SRRM2: variants seen among roughly 807,000 people sequenced by gnomAD.
SRRM2 encodes the protein serine/arginine repetitive matrix protein 2.
In SRRM2, 30 loss-of-function variants were observed where a neutral mutation model predicts 213.8. The ratio of observed to expected loss-of-function variants is 0.14; its 90% CI spans 0.10 to 0.19. The LOEUF (loss-of-function observed/expected upper bound fraction) is 0.19. Ranked by LOEUF, SRRM2 falls within the 10% of genes least tolerant of loss-of-function variation. SRRM2 has a pLI of 1.00. For missense variants in SRRM2, 4,904 were observed against 3,647.0 expected (o/e 1.34, Z -8.88); for synonymous variants, 2,025 against 1,377.7 (o/e 1.47, Z -10.40).
chr16:2,761,039 C>T (rs551647831), intron 10 of SRRM2, among the ~76,000 whole-genome samples: 21 of 152,328 alleles, frequency 1.4e-4, no homozygotes, highest in African/African-American at 4.6e-4. Context: ...TGGTTGACCT[C>T]AGAAACTTAA....
In SRRM2 at chr16:2,768,130, CTCG is replaced by C. The variant is rs761420606; in HGVS notation, c.7614_7616del (p.Ser2556del). On this transcript the variant is annotated inframe_deletion, in exon 11 of 15. Coordinates refer to ENST00000301740, the MANE Select transcript of SRRM2 (RefSeq NM_016333.4). ...CAGCAAAGGAGCGGCGGAGTTCCTC[CTCG>C]TCGTCGTCGTCCTCTAGCTCCTCCT... is the stretch of plus-strand genomic sequence containing the variant. 63 of 1,613,272 alleles carry C rather than the reference CTCG, an allele frequency of 3.9e-5. No individual in the cohort carries two copies. Among genetic ancestry groups the C allele is most frequent in the South Asian group, 7.7e-5 (7 of 91,042 alleles).
In SRRM2 at chr16:2,762,599, AGGTCTC is replaced by A; in HGVS notation, c.2077_2082del (p.Ser694_Arg695del). 11 of 1,614,164 alleles carry A rather than the reference AGGTCTC, an allele frequency of 6.8e-6. No individual in the cohort carries two copies. The highest frequency in any genetic ancestry group is 9.3e-6 in the Non-Finnish European group (11 of 1,180,030). On this transcript the variant is annotated inframe_deletion, in exon 11 of 15. Coordinates refer to ENST00000301740, the MANE Select transcript of SRRM2 (RefSeq NM_016333.4). Reference sequence around the variant, plus strand: ...CTCCAGAACACCAGCCAGGAGAGGGAGGTCTCGGTCTAGGACACCAAGACGAGGAAG... The same window carrying A: ...CTCCAGAACACCAGCCAGGAGAGGGAGGTCTAGGACACCAAGACGAGGAAG...
rs775530587 is a variant in SRRM2 at position 2,766,812 on chromosome 16, C to T, written c.6284C>T (p.Ala2095Val). 7.4e-6 allele frequency: 12 copies of T among 1,614,158 alleles called. No homozygotes were observed. In the South Asian group the frequency reaches 9.9e-5, roughly 13 times the overall value. ...SDRSRSATPP[A>V]TRNHSGSRTP... Reference sequence around the variant, plus strand: ...CGTTCACGATCTGCTACTCCTCCAGCAACAAGAAATCATTCTGGTTCACGG... The same window carrying T: ...CGTTCACGATCTGCTACTCCTCCAGTAACAAGAAATCATTCTGGTTCACGG... Residue 2095 changes from alanine (A) to valine (V), a missense_variant, in exon 11 of 15, where the codon GCA becomes GTA. Physicochemically the swap from Ala to Val is moderately conservative, Grantham distance 64 (BLOSUM62 0). Coordinates refer to ENST00000301740, the MANE Select transcript of SRRM2 (RefSeq NM_016333.4). This position sits in a 1 kb window ranked among gnomAD's most constrained non-coding sequence, Gnocchi z 7.0.
Position 2,771,284 on chromosome 16 carries a change from C to G in SRRM2, c.*417C>G, listed in dbSNP as rs766239205. 1.1e-6 allele frequency: 1 copy of G among 892,810 alleles called. No homozygotes were observed. The highest frequency in any genetic ancestry group is 1.8e-6 in the Non-Finnish European group (1 of 551,726). 55.3% of individuals were successfully genotyped at this position (892,810 alleles called of 1,614,324 possible). A position where few individuals can be genotyped will look rare whatever the true frequency, so the allele number is the denominator to read the frequency against. ...GGCAGGAGTTGGAATTAGTTGGTCC[C>G]TACTGTCCCCCATGAGGTTGTGAAC... is the stretch of plus-strand genomic sequence containing the variant. On this transcript the variant is annotated 3_prime_UTR_variant, in exon 15 of 15. Transcript: ENST00000301740.
rs1254503132 is a variant in SRRM2 at position 2,761,739 on chromosome 16, C to T, written c.1211C>T (p.Ser404Leu). ...GAGGCCTCTCCAACTCGGGACCGTT[C>T]ACCACCTAAGTCTCCCGAGAAACTT... is the stretch of plus-strand genomic sequence containing the variant. ...PSEASPTRDR[S>L]PPKSPEKLPQ... is the part of the protein sequence containing the mutation. Residue 404 changes from serine to leucine, a missense_variant, in exon 11 of 15, where the codon TCA (serine) becomes TTA (leucine). Coordinates refer to ENST00000301740, the MANE Select transcript of SRRM2 (RefSeq NM_016333.4). 1 of 1,612,090 alleles carries T rather than the reference C, an allele frequency of 6.2e-7. No homozygotes were observed. Among genetic ancestry groups the T allele is most frequent in the Non-Finnish European group, 8.5e-7 (1 of 1,178,892 alleles).
Position 2,766,036 on chromosome 16 carries a change from A to C in SRRM2, c.5508A>C (p.Arg1836=). Residue 1836 remains arginine (R), a synonymous_variant, in exon 11 of 15, where the codon CGA becomes CGC. Coordinates refer to ENST00000301740, the MANE Select transcript of SRRM2 (RefSeq NM_016333.4). This position sits in a 1 kb window ranked among gnomAD's most constrained non-coding sequence, Gnocchi z 7.0. ...ARQESSRTSS[R]RRRGRSRTPP... ...AGGAAAGTTCCCGGACCTCCTCTCGACGCCGAAGAGGCCGCTCTCGGACAC... is the reference window on the plus strand; with the variant it reads ...AGGAAAGTTCCCGGACCTCCTCTCGCCGCCGAAGAGGCCGCTCTCGGACAC... 6.2e-7 allele frequency: 1 copy of C among 1,613,836 alleles called. No homozygotes were observed. The highest frequency in any genetic ancestry group is 8.5e-7 in the Non-Finnish European group (1 of 1,179,964).
intron 8 of SRRM2, 26 bp downstream of exon 8, chr16:2,759,428 T>C: frequency 6.3e-7 from 1 of 1,594,738 alleles, no homozygotes; most frequent in Non-Finnish European, 8.5e-7. Flanking sequence ...GGGAATTTGC[T>C]TAGGAAGTAA....
At chr16:2,758,227 G>A (rs894870460) in intron 4 of SRRM2, among the ~76,000 whole-genome samples, 1 of 152,164 alleles carries the variant, frequency 6.6e-6, no homozygotes, top group African/African-American at 2.4e-5. Flanking sequence ...AAAAAAAGCT[G>A]GTTGGTGGCA....
At chr16:2,769,753 A>G (rs751551754) in intron 12 of SRRM2, 2 of 467,486 alleles carry the variant, frequency 4.3e-6, no homozygotes, top group East Asian at 6.7e-5. Flanking sequence ...TGTGGCCTGC[A>G]GGACAAAGCC....
chr16:2,766,189 G>A lies in SRRM2; in HGVS notation c.5661G>A (p.Arg1887=), dbSNP rs773424353. 4.3e-6 allele frequency: 7 copies of A among 1,614,104 alleles called. No individual in the cohort carries two copies. Among genetic ancestry groups the A allele is most frequent in the Non-Finnish European group, 5.9e-6 (7 of 1,180,030 alleles). The change falls in exon 11 of 15, where the codon AGG becomes AGA. Residue 1887 remains arginine (R), a synonymous_variant. Transcript: ENST00000301740. The surrounding 1 kb of genome is among the most constrained non-coding windows in gnomAD (Gnocchi z 7.0). The part of the protein sequence containing the change: ...RSRTPLISRR[R]SRSRTSPVSR... ...GAACCCCCCTGATAAGCCGACGTAGGTCCAGATCTCGAACTTCACCAGTCA... is the reference window on the plus strand; with the variant it reads ...GAACCCCCCTGATAAGCCGACGTAGATCCAGATCTCGAACTTCACCAGTCA...
chr16:2,758,000 G>T lies in SRRM2; in HGVS notation c.515+55G>T, dbSNP rs1473230675. On this transcript the variant is annotated intron_variant, in intron 4 of 14. Coordinates refer to ENST00000301740, the MANE Select transcript of SRRM2 (RefSeq NM_016333.4). ...TTCTTTTCTTGATTGTAAGCTCCATGCTCTATTTTTGTCTTTTTGCGGGCT... is the reference window on the plus strand; with the variant it reads ...TTCTTTTCTTGATTGTAAGCTCCATTCTCTATTTTTGTCTTTTTGCGGGCT... The T allele has an allele frequency of 2.6e-5, 40 of 1,559,496 alleles. 1 individual carries two copies. The highest frequency in any genetic ancestry group is 4.2e-5 in the African/African-American group (3 of 72,116).
In SRRM2 at chr16:2,766,416, C is replaced by T. The variant is rs775588117; in HGVS notation, c.5888C>T (p.Pro1963Leu). The T allele has an allele frequency of 6.2e-7, 1 of 1,614,130 alleles. No individual in the cohort carries two copies. Among genetic ancestry groups the T allele is most frequent in the South Asian group, 1.1e-5 (1 of 91,074 alleles). ...CGCAGAAGGTCCAGATCCAGGACTC[C>T]ACCAGTAACCAGGAGGCGATCTCGA... is the stretch of plus-strand genomic sequence containing the variant. ...VTRRRSRSRT[P>L]PVTRRRSRSR... Residue 1963 changes from proline (P) to leucine (L), a missense_variant, in exon 11 of 15, where the codon CCA becomes CTA. Coordinates refer to ENST00000301740, the MANE Select transcript of SRRM2 (RefSeq NM_016333.4). This position sits in a 1 kb window ranked among gnomAD's most constrained non-coding sequence, Gnocchi z 7.0.
intron 12 of SRRM2, chr16:2,769,898 G>A (rs985162087): frequency 2.2e-6 from 1 of 454,100 alleles, no homozygotes; most frequent in Non-Finnish European, 4.4e-6. Flanking sequence ...GAGAGCCCAT[G>A]CCTTTGGACA....
At position 2,757,492 on chromosome 16, in the gene SRRM2, A is replaced by G. The variant is rs756679255; in HGVS notation, c.263A>G (p.Gln88Arg). ...TTCAGGTACGAGGAACAGCAAATTC[A>G]GGAAAAAGTGGCGACCTTTCGACTC... ...EEQGYEEQQI[Q>R]EKVATFRLML... is the part of the protein sequence containing the mutation. Residue 88 changes from glutamine (Q) to arginine (R), a missense_variant, in exon 3 of 15, where the codon CAG (glutamine) becomes CGG (arginine). Gln to Arg is a conservative substitution (Grantham distance 43). Coordinates refer to ENST00000301740, the MANE Select transcript of SRRM2 (RefSeq NM_016333.4). The G allele has an allele frequency of 6.2e-7, 1 of 1,614,096 alleles. No individual in the cohort carries two copies. Among genetic ancestry groups the G allele is most frequent in the Non-Finnish European group, 8.5e-7 (1 of 1,179,994 alleles).
Position 2,763,621 on chromosome 16 carries a change from A to T in SRRM2, c.3093A>T (p.Gly1031=). ...SKDSLVQSCP[G]SLSLCAGVKS... Reference sequence around the variant, plus strand: ...ACTCACTAGTTCAAAGTTGCCCTGGATCCCTCTCTCTCTGTGCAGGAGTAA... The same window carrying T: ...ACTCACTAGTTCAAAGTTGCCCTGGTTCCCTCTCTCTCTGTGCAGGAGTAA... The change falls in exon 11 of 15, where the codon GGA becomes GGT. Residue 1031 remains glycine, a synonymous_variant. Coordinates refer to ENST00000301740, the MANE Select transcript of SRRM2 (RefSeq NM_016333.4). 2 of 1,614,108 alleles carry T rather than the reference A, an allele frequency of 1.2e-6. No homozygotes were observed. The highest frequency in any genetic ancestry group is 1.7e-6 in the Non-Finnish European group (2 of 1,180,012).
rs868716433 is a variant in SRRM2, at chr16:2,767,703, G to A, written c.7175G>A (p.Arg2392His). The A allele has an allele frequency of 4.3e-6, 7 of 1,613,658 alleles. No homozygotes were observed. The highest frequency in any genetic ancestry group is 1.7e-5 in the Admixed American group (1 of 59,948). ...AGGGTGCCCCTTTCTGCCTACGAGC[G>A]TGTCAGTGGCAGAACCTCACCACCG... ...SPRVPLSAYE[R>H]VSGRTSPPLL... Residue 2392 changes from arginine to histidine, a missense_variant, in exon 11 of 15, where the codon CGT becomes CAT. Arg to His is a conservative substitution (Grantham distance 29, BLOSUM62 0). Transcript: ENST00000301740.
Position 2,764,758 on chromosome 16 carries a change from A to C in SRRM2, c.4230A>C (p.Val1410=), listed in dbSNP as rs1212597174. ...TCTCTTCACCTGTGCTTGATGCTGT[A>C]CCCAGAACACCCTCGAGAGAAAGAA... The part of the protein sequence containing the change: ...QSISSPVLDA[V]PRTPSRERSS... Residue 1410 remains valine, a synonymous_variant, in exon 11 of 15, where the codon GTA becomes GTC. Coordinates refer to ENST00000301740, the MANE Select transcript of SRRM2 (RefSeq NM_016333.4). The C allele has an allele frequency of 1.3e-5, 21 of 1,614,168 alleles. No individual in the cohort carries two copies. The highest frequency in any genetic ancestry group is 2.2e-5 in the East Asian group (1 of 44,892).
chr16:2,757,938 C>T lies in SRRM2; in HGVS notation c.508C>T (p.Pro170Ser), dbSNP rs2068204768. 4 of 1,613,220 alleles carry T rather than the reference C, an allele frequency of 2.5e-6. No individual in the cohort carries two copies. Among genetic ancestry groups the T allele is most frequent in the Non-Finnish European group, 3.4e-6 (4 of 1,179,702 alleles). The part of the protein sequence containing the change: ...AKQPAPEPPK[P>S]YSLVRESSSS... The stretch of plus-strand genomic sequence containing the variant: ...ACAACCAGCTCCTGAGCCTCCCAAA[C>T]CTTACAGGTATACAAGGCCAAGAAA... Residue 170 changes from proline to serine, a missense_variant, in exon 4 of 15, where the codon CCT becomes TCT. Transcript: ENST00000301740.
At chr16:2,756,240 T>G (rs2068135437) in intron 1 of SRRM2, 94 bp from the exon 2 acceptor site, 2 of 1,157,948 alleles carry the variant, frequency 1.7e-6, no homozygotes, top group East Asian at 2.6e-5. Flanking sequence ...CAATGTTGAA[T>G]TAGGGATGAA....
Sources: gnomAD v4.1 joint callset for allele counts (sites outside exome capture counted in the v4.1 genomes callset) on GRCh38, gnomAD v4.1.1 for gene constraint, Gnocchi (gnomAD v3.1) non-coding constraint, MANE v1.5 for transcripts, NCBI Gene and HGNC (gene_info 2026-07-23, HGNC 2026-07-21) for gene names.